The following ANKFN1 variants were observed in gnomAD, a reference collection of about 807,000 sequenced individuals.
ANKFN1 encodes the protein ankyrin repeat and fibronectin type III domain containing 1, also known as ankyrin repeat and fibronectin type-III domain-containing protein 1.
In ANKFN1, 74 loss-of-function variants were observed where a neutral mutation model predicts 108.7. The observed-to-expected ratio is 0.68, with a 90% confidence interval of 0.56 to 0.83. The LOEUF (loss-of-function observed/expected upper bound fraction) is 0.83. Among genes scored for constraint, ANKFN1 ranks in the 40% least tolerant of loss-of-function variants. The probability of loss-of-function intolerance (pLI) is 0.00; values close to 1 mark genes in which losing one functional copy is unlikely to be tolerated. For synonymous variants in ANKFN1, 547 were observed against 516.2 expected, an observed-to-expected ratio of 1.06 and a Z score of -0.81; for missense variants, 1,505 against 1,382.3, an observed-to-expected ratio of 1.09 and a Z score of -1.41.
chr17:56,254,303 A>G (rs1010113321), intron 3 of ANKFN1: 1 of 152,226 alleles, frequency 6.6e-6, no homozygotes, highest in Admixed American at 6.5e-5. Flanking sequence ...TTTTAAAGTT[A>G]TAACAATGAG....
chr17:56,256,480 G>A (rs2043360175), intron 3 of ANKFN1, among the ~76,000 whole-genome samples: 1 of 152,162 alleles, frequency 6.6e-6, no homozygotes, highest in Non-Finnish European at 1.5e-5. Context: ...CTGGAGTAAA[G>A]AACAGAAGAA....
intron 3 of ANKFN1, among the ~76,000 whole-genome samples, chr17:56,236,599 A>T (rs1054939834): frequency 6.6e-6 from 1 of 152,092 alleles, no homozygotes; most frequent in African/African-American, 2.4e-5. Flanking sequence ...GGCCAAGACT[A>T]TGGGGTTTTC....
At chr17:56,447,677 T>C (rs1175009952) in intron 10 of ANKFN1, among the ~76,000 whole-genome samples, 1 of 152,200 alleles carries the variant, frequency 6.6e-6, no homozygotes, top group Non-Finnish European at 1.5e-5. Flanking sequence ...AGAAATGGTG[T>C]TTCCGTCATG....
At chr17:56,214,245 G>A (rs1915257806) in intron 2 of ANKFN1, among the ~76,000 whole-genome samples, 1 of 152,120 alleles carries the variant, frequency 6.6e-6, no homozygotes, top group Non-Finnish European at 1.5e-5. Flanking sequence ...TCTTTTAGTA[G>A]AAAACGTTTA....
chr17:56,441,351 T>TAA (rs745356751), intron 9 of ANKFN1, among the ~76,000 whole-genome samples: 1 of 148,634 alleles, frequency 6.7e-6, no homozygotes, highest in African/African-American at 2.5e-5. Flanking sequence ...AGCCCACCCT[T>TAA]AAAAAAAAAA....
At chr17:56,217,687 T>C (rs1418607974) in intron 2 of ANKFN1, among the ~76,000 whole-genome samples, 5 of 152,166 alleles carry the variant, frequency 3.3e-5, no homozygotes, top group Non-Finnish European at 7.3e-5. Flanking sequence ...AAATTTATTT[T>C]CCCACTGTTA....
intron 3 of ANKFN1, among the ~76,000 whole-genome samples, chr17:56,316,198 C>T (rs2045201925): frequency 6.6e-6 from 1 of 152,142 alleles, no homozygotes; most frequent in Non-Finnish European, 1.5e-5. Context: ...GGTCTTATTA[C>T]ACAGTTATGC....
At chr17:56,420,683 C>CTTT (rs755355387) in intron 8 of ANKFN1, among the ~76,000 whole-genome samples, 71 of 119,464 alleles carry the variant, frequency 5.9e-4, no homozygotes, top group Non-Finnish European at 9.2e-4. Context: ...CTGACTCCTT[C>CTTT]TTTTTTTTTT....
chr17:56,066,884 C>T (rs1905064775), intron 4 of ANKFN1, among the ~76,000 whole-genome samples: 2 of 152,106 alleles, frequency 1.3e-5, no homozygotes, highest in Non-Finnish European at 2.9e-5. Flanking sequence ...CATGTTGTAA[C>T]GTGTGTCAAA....
chr17:56,251,413 G>A (rs2043233143), intron 3 of ANKFN1, among the ~76,000 whole-genome samples: 1 of 152,154 alleles, frequency 6.6e-6, no homozygotes, highest in South Asian at 2.1e-4. Context: ...GACCCAAAGA[G>A]TAAAGTAATA....
chr17:56,432,953 G>T (rs1318780888), intron 8 of ANKFN1, among the ~76,000 whole-genome samples: 2 of 151,838 alleles, frequency 1.3e-5, no homozygotes, highest in African/African-American at 2.4e-5. Context: ...ATGATATGAT[G>T]GTAAATGCTT....
intron 20 of ANKFN1, among the ~76,000 whole-genome samples, chr17:56,505,417 G>A (rs571410467): frequency 8.5e-4 from 129 of 152,318 alleles, no homozygotes; most frequent in Non-Finnish European, 1.4e-3. Flanking sequence ...AAGACACAGT[G>A]TAGTTGGGAG....
intron 18 of ANKFN1, among the ~76,000 whole-genome samples, chr17:56,489,224 A>G (rs991552848): frequency 2.0e-5 from 3 of 152,220 alleles, no homozygotes; most frequent in African/African-American, 7.2e-5. Context: ...ATAGAAAATT[A>G]GTCTTAGTCT....
intron 1 of ANKFN1, among the ~76,000 whole-genome samples, chr17:56,195,081 C>T (rs1368418449): frequency 2.0e-5 from 3 of 152,016 alleles, no homozygotes; most frequent in Non-Finnish European, 4.4e-5. Context: ...CCCTTTTTTG[C>T]ATTACAATGA....
intron 4 of ANKFN1, among the ~76,000 whole-genome samples, chr17:56,335,721 T>C (rs1220077153): frequency 6.6e-6 from 1 of 152,232 alleles, no homozygotes; most frequent in African/African-American, 2.4e-5. Context: ...TTCTCTTGCC[T>C]GATTGCCCTG....
chr17:56,434,301 A>G (rs985259331), intron 8 of ANKFN1, among the ~76,000 whole-genome samples: 3 of 151,908 alleles, frequency 2.0e-5, no homozygotes, highest in Non-Finnish European at 4.4e-5. Context: ...GCCAATAAAT[A>G]AGTGAATCTA....
intron 4 of ANKFN1, among the ~76,000 whole-genome samples, chr17:56,068,302 G>A (rs576274912): frequency 3.9e-5 from 6 of 152,266 alleles, no homozygotes; most frequent in African/African-American, 1.4e-4. Flanking sequence ...ATTTACAAAG[G>A]TGTGGGCCGT....
chr17:56,193,422 A>T (rs1222829707), intron 1 of ANKFN1, among the ~76,000 whole-genome samples: 1 of 152,110 alleles, frequency 6.6e-6, no homozygotes, highest in African/African-American at 2.4e-5. Context: ...AAATACAGCT[A>T]GTATAATGTA....
intron 14 of ANKFN1, among the ~76,000 whole-genome samples, chr17:56,462,522 A>T (rs2049939184): frequency 6.6e-6 from 1 of 152,188 alleles, no homozygotes; most frequent in Admixed American, 6.6e-5. Context: ...TGAACCCAGG[A>T]GGCGGAGGTT....
Sources: allele counts gnomAD v4.1 joint callset (sites outside exome capture counted in the v4.1 genomes callset), GRCh38; gene constraint gnomAD v4.1.1; transcripts MANE v1.5; gene names NCBI Gene and HGNC (gene_info 2026-07-23, HGNC 2026-07-21).